Variants in ANAPC10 observed in about 807,000 individuals in gnomAD.
ANAPC10 encodes anaphase promoting complex subunit 10, also known as anaphase-promoting complex subunit 10.
In ANAPC10, 12 loss-of-function variants were observed where a neutral mutation model predicts 22.0. The observed-to-expected ratio is 0.55, with a 90% confidence interval of 0.35 to 0.88. The LOEUF (loss-of-function observed/expected upper bound fraction) is 0.88, where lower values mean the gene tolerates loss of function less well. Among genes scored for constraint, ANAPC10 ranks in the 40% least tolerant of loss-of-function variants. The pLI, the probability that ANAPC10 is intolerant of heterozygous loss-of-function variation, is 0.01. For synonymous variants in ANAPC10, 65 were observed against 69.5 expected, an observed-to-expected ratio of 0.94 and a Z score of 0.32; for missense variants, 188 against 220.9, an observed-to-expected ratio of 0.85 and a Z score of 0.94.
chr4:145,017,275 GA>G (rs905782122), intron 4 of ANAPC10, among the ~76,000 whole-genome samples: 1 of 149,408 alleles, frequency 6.7e-6, no homozygotes, highest in Non-Finnish European at 1.5e-5. Context: ...AAATTTACAA[GA>G]AAAAAAAACA....
chr4:145,006,609 A>G (rs565042963), intron 4 of ANAPC10, among the ~76,000 whole-genome samples: 1 of 152,166 alleles, frequency 6.6e-6, no homozygotes, highest in African/African-American at 2.4e-5. Flanking sequence ...TCAAATTGTC[A>G]TTTTTGTAGG....
chr4:144,996,969 A>G (rs1198017601), intron 4 of ANAPC10, among the ~76,000 whole-genome samples: 1 of 152,202 alleles, frequency 6.6e-6, no homozygotes, highest in Non-Finnish European at 1.5e-5. Context: ...GATTCGATCA[A>G]GTGGAAGAAA....
intron 3 of ANAPC10, among the ~76,000 whole-genome samples, chr4:145,080,608 T>C (rs1255803408): frequency 6.6e-6 from 1 of 152,016 alleles, no homozygotes; most frequent in African/African-American, 2.4e-5. Flanking sequence ...TGCTATAGAA[T>C]GTTAAAATAG....
rs144460093 is a variant in ANAPC10 at position 145,075,686 on chromosome 4, G to A, written c.206+5974C>T. ...GAATTAACTAAATAGGTGTGGAGTA[G>A]TCCACTCTCACCATGTATCTCCAGA... On this transcript the variant is annotated intron_variant, in intron 3 of 4. Transcript: ENST00000507656. Among the ~76,000 whole-genome samples, 460 of 152,272 alleles carry A rather than the reference G, an allele frequency of 3.0e-3. 9 individuals carry two copies. The highest frequency in any genetic ancestry group is 0.025 in the East Asian group (130 of 5,176).
intron 4 of ANAPC10, among the ~76,000 whole-genome samples, chr4:145,017,480 G>A (rs1358862633): frequency 6.6e-6 from 1 of 152,212 alleles, no homozygotes; most frequent in Admixed American, 6.5e-5. Context: ...ACAGGTGCTG[G>A]AGAGGATGTG....
chr4:145,080,775 C>T (rs1477624253), intron 3 of ANAPC10, among the ~76,000 whole-genome samples: 3 of 151,770 alleles, frequency 2.0e-5, no homozygotes, highest in Non-Finnish European at 4.4e-5. Flanking sequence ...GGCGTGGTGG[C>T]GCATGCCTGT....
At chr4:145,030,630 A>G (rs1026942445) in intron 4 of ANAPC10, among the ~76,000 whole-genome samples, 9 of 152,180 alleles carry the variant, frequency 5.9e-5, no homozygotes, top group Non-Finnish European at 1.0e-4. Flanking sequence ...TCCTGTGGTC[A>G]TTTCCCCAGT....
At chr4:145,019,415 T>A (rs1269766834) in intron 4 of ANAPC10, among the ~76,000 whole-genome samples, 1 of 151,876 alleles carries the variant, frequency 6.6e-6, no homozygotes, top group Non-Finnish European at 1.5e-5. Flanking sequence ...ATAGTGACAA[T>A]CTATAAAAAC....
intron 1 of ANAPC10, chr4:145,097,231 A>T (rs1748694211): frequency 3.1e-6 from 1 of 326,570 alleles, no homozygotes; most frequent in Non-Finnish European, 6.0e-6. Flanking sequence ...AAAAAATGTT[A>T]AAAGTTCACT....
At chr4:145,098,240 A>T (rs1748914207), upstream of ANAPC10, 1 of 152,250 alleles carries the variant, frequency 6.6e-6, no homozygotes, top group Non-Finnish European at 1.5e-5. Flanking sequence ...ACCTACCTCC[A>T]GGGTTCCGCC....
At chr4:145,087,620 C>A (rs1171445954) in intron 2 of ANAPC10, among the ~76,000 whole-genome samples, 1 of 152,184 alleles carries the variant, frequency 6.6e-6, no homozygotes, top group Admixed American at 6.5e-5. Flanking sequence ...TCCTCAGTAA[C>A]AGTAGTAACA....
At chr4:145,021,080 T>C (rs911337573) in intron 4 of ANAPC10, among the ~76,000 whole-genome samples, 3 of 151,650 alleles carry the variant, frequency 2.0e-5, no homozygotes, top group Non-Finnish European at 4.4e-5. Context: ...AGAATCAAAA[T>C]TGTGAAAATG....
rs1203858529 is a variant in ANAPC10 at position 145,026,920 on chromosome 4, C to CATATATACATATATATATATATAT, written c.328-31318_328-31317insATATATATATATATATGTATATAT. Among the ~76,000 whole-genome samples the CATATATACATATATATATATATAT allele has an allele frequency of 2.1e-3, 36 of 17,038 alleles. 3 individuals carry two copies. Among genetic ancestry groups the CATATATACATATATATATATATAT allele is most frequent in the Non-Finnish European group, 4.3e-3 (29 of 6,742 alleles). 11.2% of individuals were successfully genotyped at this position (17,038 alleles called of 152,430 possible). ...CAAATGAAGTTTTTGCCTATACATA[C>CATATATACATATATATATATATAT]ATATATATATATATATATATATATA... On this transcript the variant is annotated intron_variant, in intron 4 of 4. Transcript: ENST00000507656.
At chr4:145,022,712 T>C (rs1051059248) in intron 4 of ANAPC10, among the ~76,000 whole-genome samples, 1 of 151,676 alleles carries the variant, frequency 6.6e-6, no homozygotes, top group Non-Finnish European at 1.5e-5. Context: ...TCTGTGAGCA[T>C]GTATTTTCAT....
At chr4:145,020,592 A>G (rs111634047) in intron 4 of ANAPC10, among the ~76,000 whole-genome samples, 98 of 152,302 alleles carry the variant, frequency 6.4e-4, no homozygotes, top group Non-Finnish European at 1.3e-3. Context: ...GCAATCAAAC[A>G]AGCGAAAGAA....
At chr4:145,043,212 C>T (rs1031826630) in intron 4 of ANAPC10, among the ~76,000 whole-genome samples, 2 of 151,852 alleles carry the variant, frequency 1.3e-5, no homozygotes, top group Non-Finnish European at 2.9e-5. Flanking sequence ...ATTCAGTATA[C>T]AAATTTCTGT....
At chr4:145,034,860 C>T (rs576399956) in intron 4 of ANAPC10, among the ~76,000 whole-genome samples, 5 of 152,086 alleles carry the variant, frequency 3.3e-5, no homozygotes, top group Non-Finnish European at 7.4e-5. Context: ...GCTTTAGTGT[C>T]CCTGTTGTGC....
chr4:145,059,904 A>G (rs1579069830), intron 4 of ANAPC10, among the ~76,000 whole-genome samples: 1 of 152,130 alleles, frequency 6.6e-6, no homozygotes, highest in Non-Finnish European at 1.5e-5. Flanking sequence ...AGAAAAGAAC[A>G]ACATTAAATC....
chr4:145,039,392 G>T (rs956899767), intron 4 of ANAPC10, among the ~76,000 whole-genome samples: 3 of 152,326 alleles, frequency 2.0e-5, no homozygotes, highest in African/African-American at 7.2e-5. Flanking sequence ...AAGAAAAGTA[G>T]TGTGAATTAT....
Sources: gnomAD v4.1 joint callset for allele counts (sites outside exome capture counted in the v4.1 genomes callset) on GRCh38, gnomAD v4.1.1 for gene constraint, MANE v1.5 for transcripts, NCBI Gene and HGNC (gene_info 2026-07-23, HGNC 2026-07-21) for gene names.